Variants in TENT2 observed in about 807,000 individuals in gnomAD.
The protein encoded by TENT2 is poly(A) RNA polymerase GLD2.
A neutral mutation model predicts 72.2 loss-of-function variants in TENT2; 44 were observed. The ratio of observed to expected loss-of-function variants is 0.61; its 90% confidence interval spans 0.48 to 0.78. TENT2 has a LOEUF of 0.78. Ranked by LOEUF, TENT2 falls within the 30% of genes least tolerant of loss-of-function variation. The pLI, the probability that TENT2 is intolerant of heterozygous loss-of-function variation, is 0.00. For synonymous variants in TENT2, 212 were observed against 192.5 expected (o/e 1.10, Z -0.84); for missense variants, 541 against 569.6 (o/e 0.95, Z 0.51).
intron 3 of TENT2, 33 bp from the exon 4 acceptor site, chr5:79,623,219 C>A: frequency 6.8e-7 from 1 of 1,465,642 alleles, no homozygotes; most frequent in Non-Finnish European, 9.3e-7. Flanking sequence ...AAAGTTGTAT[C>A]TTTAATTACT....
chr5:79,624,580 T>C (rs530796266), intron 4 of TENT2, among the ~76,000 whole-genome samples: 1 of 152,322 alleles, frequency 6.6e-6, no homozygotes, highest in South Asian at 2.1e-4. Flanking sequence ...CAGTCACTTC[T>C]CCTGCTCCCT....
At chr5:79,678,080 A>G (rs748632671) in intron 12 of TENT2, among the ~76,000 whole-genome samples, 1 of 152,230 alleles carries the variant, frequency 6.6e-6, no homozygotes, top group Non-Finnish European at 1.5e-5. Flanking sequence ...TGTAACCAAT[A>G]CTATTTCCAT....
intron 4 of TENT2, among the ~76,000 whole-genome samples, chr5:79,630,945 A>T (rs1012413623): frequency 9.2e-5 from 14 of 151,924 alleles, no homozygotes; most frequent in Admixed American, 8.5e-4. Flanking sequence ...TTCAAGTGAG[A>T]GGCAATGGTA....
chr5:79,679,067 G>C (rs1819686864), intron 12 of TENT2, among the ~76,000 whole-genome samples: 1 of 151,980 alleles, frequency 6.6e-6, no homozygotes, highest in Non-Finnish European at 1.5e-5. Flanking sequence ...TACTGCGCCT[G>C]GCTAATTTTT....
chr5:79,638,502 T>C (rs1028359483), intron 4 of TENT2, among the ~76,000 whole-genome samples: 3 of 152,214 alleles, frequency 2.0e-5, no homozygotes, highest in Non-Finnish European at 2.9e-5. Context: ...CTCTGATCTT[T>C]CTGTGGTCCC....
chr5:79,619,437 TTTA>T (rs1416212243), intron 1 of TENT2, among the ~76,000 whole-genome samples, 172 bp from the exon 2 acceptor site: 6 of 152,362 alleles, frequency 3.9e-5, no homozygotes, highest in African/African-American at 1.4e-4. Context: ...AGATTTGGAA[TTTA>T]TTATTAGTTT....
chr5:79,670,804 G>C (rs963649286), intron 12 of TENT2, among the ~76,000 whole-genome samples: 2 of 150,062 alleles, frequency 1.3e-5, no homozygotes, highest in Non-Finnish European at 3.0e-5. Context: ...GATTCCCATG[G>C]ATTTCAGTTA....
intron 4 of TENT2, among the ~76,000 whole-genome samples, chr5:79,634,232 A>G (rs1336387841): frequency 6.6e-6 from 1 of 152,080 alleles, no homozygotes; most frequent in Non-Finnish European, 1.5e-5. Flanking sequence ...ACTTCAGACA[A>G]TGGCAATTTT....
intron 14 of TENT2, 128 bp from the exon 15 acceptor site, chr5:79,685,071 A>C: frequency 1.3e-6 from 1 of 767,636 alleles, no homozygotes; most frequent in Non-Finnish European, 2.1e-6. Flanking sequence ...AAAAGAAAAA[A>C]TTTGAAGGAA....
rs1461524598 is a variant in TENT2, at chr5:79,645,166, A to G, written c.795A>G (p.Pro265=). ...ERPQLIRAKV[P]IVKFRDKVSC... ...CTCAGCTGATTCGAGCAAAAGTGCCAATTGTGAAGTTCAGGGATAAAGTCA... is the reference window on the plus strand; with the variant it reads ...CTCAGCTGATTCGAGCAAAAGTGCCGATTGTGAAGTTCAGGGATAAAGTCA... Residue 265 remains proline, a synonymous_variant, in exon 8 of 15, where the codon CCA becomes CCG. Coordinates refer to ENST00000453514, the MANE Select transcript of TENT2 (RefSeq NM_001114394.3). The G allele has an allele frequency of 6.2e-7, 1 of 1,608,998 alleles. No homozygotes were observed. The highest frequency in any genetic ancestry group is 8.5e-7 in the Non-Finnish European group (1 of 1,177,946).
At chr5:79,681,150 ATTTTTTTTT>A (rs1158559796) in intron 13 of TENT2, among the ~76,000 whole-genome samples, 12 of 44,754 alleles carry the variant, frequency 2.7e-4, no homozygotes, top group South Asian at 1.9e-3. Flanking sequence ...CTTTTCTTTG[ATTTTTTTTT>A]TTTTTTTTTT....
chr5:79,631,650 G>C (rs1775616599), intron 4 of TENT2, among the ~76,000 whole-genome samples: 1 of 152,228 alleles, frequency 6.6e-6, no homozygotes, highest in Non-Finnish European at 1.5e-5. Context: ...GGCAGTGAAA[G>C]GGAGGAGCAA....
At chr5:79,683,313 TCACACACACACA>T (rs111701863) in intron 14 of TENT2, among the ~76,000 whole-genome samples, 3 of 145,652 alleles carry the variant, frequency 2.1e-5, no homozygotes, top group South Asian at 2.2e-4. Context: ...ACGCACATGC[TCACACACACACA>T]CACACACACA....
Position 79,679,629 on chromosome 5 carries a change from C to G in TENT2, c.1259C>G (p.Pro420Arg), listed in dbSNP as rs1820156118. Residue 420 changes from proline (P) to arginine (R), a missense_variant, in exon 13 of 15, where the codon CCT becomes CGT. Transcript: ENST00000453514. Reference sequence around the variant, plus strand: ...CGTGAAGCCAAAGCCATTCCAAGGCCTGATGGTATTGAATGGAGAAATAAA... The same window carrying G: ...CGTGAAGCCAAAGCCATTCCAAGGCGTGATGGTATTGAATGGAGAAATAAA... ...SVREAKAIPR[P>R]DGIEWRNKYI... 6.2e-6 allele frequency: 10 copies of G among 1,602,816 alleles called. No individual in the cohort carries two copies. The highest frequency in any genetic ancestry group is 6.0e-6 in the Non-Finnish European group (7 of 1,173,928).
intron 4 of TENT2, among the ~76,000 whole-genome samples, chr5:79,632,243 A>G (rs1350229215): frequency 6.6e-6 from 1 of 152,176 alleles, no homozygotes; most frequent in Non-Finnish European, 1.5e-5. Context: ...AGATTTTGTT[A>G]GAAGTTTTTT....
At chr5:79,680,633 G>C (rs34365218) in intron 13 of TENT2, among the ~76,000 whole-genome samples, 1 of 151,896 alleles carries the variant, frequency 6.6e-6, no homozygotes, top group Non-Finnish European at 1.5e-5. Flanking sequence ...CTATTCTTCC[G>C]TACTTTTTCT....
At chr5:79,654,743 G>A (rs1206631168) in intron 10 of TENT2, among the ~76,000 whole-genome samples, 2 of 151,252 alleles carry the variant, frequency 1.3e-5, no homozygotes, top group African/African-American at 4.9e-5. Context: ...CAGCCTGGGT[G>A]ACAGAGCGAG....
In TENT2 at chr5:79,650,115, T is replaced by C. The variant is rs923964879; in HGVS notation, c.1027+925T>C. 2.6e-5 allele frequency among the ~76,000 whole-genome samples: 4 copies of C among 152,238 alleles called. 1 individual carries two copies. The highest frequency in any genetic ancestry group is 1.3e-4 in the Admixed American group (2 of 15,292). ...GTTTGCCAGGATGTCTGGGGCTTGA[T>C]CTGTTCTGGGTTGGTGATACTTCCA... On this transcript the variant is annotated intron_variant, in intron 10 of 14. Transcript: ENST00000453514.
chr5:79,681,790 T>G (rs1475970547), intron 13 of TENT2, 192 bp from the exon 14 acceptor site: 1 of 472,538 alleles, frequency 2.1e-6, no homozygotes, highest in African/African-American at 2.0e-5. Context: ...TCTATCTACC[T>G]TATTAGGCAG....
Sources: allele counts gnomAD v4.1 joint callset (sites outside exome capture counted in the v4.1 genomes callset), GRCh38; gene constraint gnomAD v4.1.1; transcripts MANE v1.5; gene names NCBI Gene and HGNC (gene_info 2026-07-23, HGNC 2026-07-21).